The following NCOA2 variants were observed in gnomAD, a reference collection of about 807,000 sequenced individuals.
NCOA2 encodes the protein nuclear receptor coactivator 2, also known as class E basic helix-loop-helix protein 75.
NCOA2 carries 21 observed loss-of-function variants against 145.1 expected under a neutral mutation model. The observed-to-expected ratio is 0.14, with a 90% CI of 0.10 to 0.21. The LOEUF is 0.21. Ranked by LOEUF, NCOA2 falls within the 10% of genes least tolerant of loss-of-function variation. The probability of loss-of-function intolerance (pLI) is 1.00; values close to 1 mark genes in which losing one functional copy is unlikely to be tolerated. For missense variants in NCOA2, 1,472 were observed against 1,837.6 expected (o/e 0.80, Z 3.64); for synonymous variants, 619 against 637.5 (o/e 0.97, Z 0.44).
intron 2 of NCOA2, among the ~76,000 whole-genome samples, chr8:70,278,282 T>C (rs1214533198): frequency 6.6e-6 from 1 of 152,210 alleles, no homozygotes; most frequent in African/African-American, 2.4e-5. Context: ...CTGAAGTATA[T>C]AGCAAGTTTT....
At chr8:70,164,748 C>T (rs1174549278) in intron 7 of NCOA2, among the ~76,000 whole-genome samples, 1 of 151,770 alleles carries the variant, frequency 6.6e-6, no homozygotes, top group Middle Eastern at 3.2e-3. Context: ...CCAGTAATAG[C>T]TGGTATCACA....
At chr8:70,292,842 GAA>G (rs1281867086) in intron 2 of NCOA2, among the ~76,000 whole-genome samples, 1 of 152,150 alleles carries the variant, frequency 6.6e-6, no homozygotes, top group Non-Finnish European at 1.5e-5. Context: ...AAAACAACAA[GAA>G]AAGAGTAAAC....
intron 2 of NCOA2, among the ~76,000 whole-genome samples, chr8:70,259,569 G>A (rs1823938405): frequency 6.6e-5 from 10 of 152,046 alleles, no homozygotes; most frequent in Admixed American, 6.5e-4. Flanking sequence ...ATTACTAAAA[G>A]ACATGGAAGA....
intron 6 of NCOA2, among the ~76,000 whole-genome samples, chr8:70,167,704 C>G (rs1486184399): frequency 6.6e-6 from 1 of 152,110 alleles, no homozygotes; most frequent in Non-Finnish European, 1.5e-5. Flanking sequence ...CTTCAGACAT[C>G]TATTTGAGTA....
At chr8:70,402,919 C>A (rs1055638465) in intron 1 of NCOA2, among the ~76,000 whole-genome samples, 1 of 142,992 alleles carries the variant, frequency 7.0e-6, no homozygotes, top group Admixed American at 6.9e-5. Flanking sequence ...TCGGCCCCAG[C>A]GCGCCGCCCG....
At chr8:70,386,070 T>C (rs1040451550) in intron 1 of NCOA2, among the ~76,000 whole-genome samples, 10 of 152,160 alleles carry the variant, frequency 6.6e-5, no homozygotes, top group Non-Finnish European at 1.0e-4. Context: ...ACTTCTCAGG[T>C]TACCAGGATT....
Position 70,170,254 on chromosome 8 carries a change from C to A in NCOA2, c.489G>T (p.Leu163Phe), listed in dbSNP as rs778835071. The part of the protein sequence containing the change: ...ELMNKSVYSI[L>F]HVGDHTEFVK... ...CAAATTCCGTGTGGTCCCCAACATG[C>A]AAGATGCTATATACACTTTTGTTCA... The change falls in exon 6 of 23, where the codon TTG (leucine) becomes TTT (phenylalanine). Residue 163 changes from leucine to phenylalanine, a missense_variant. Physicochemically the swap from Leu to Phe is conservative, Grantham distance 22 (BLOSUM62 0). Transcript: ENST00000452400. 6.2e-7 allele frequency: 1 copy of A among 1,613,310 alleles called. No homozygotes were observed.
intron 2 of NCOA2, among the ~76,000 whole-genome samples, chr8:70,258,083 T>C (rs968731678): frequency 3.3e-5 from 5 of 152,010 alleles, no homozygotes; most frequent in Non-Finnish European, 5.9e-5. Context: ...GCTCGGCTAA[T>C]TTTTTATATT....
chr8:70,217,004 G>A (rs1464337630), intron 2 of NCOA2, among the ~76,000 whole-genome samples: 1 of 152,090 alleles, frequency 6.6e-6, no homozygotes, highest in African/African-American at 2.4e-5. Flanking sequence ...TACCTCATTG[G>A]GCCCAAATTC....
chr8:70,421,818 G>A, the NCOA2 span, among the ~76,000 whole-genome samples: 1 of 152,022 alleles, frequency 6.6e-6, no homozygotes, highest in Non-Finnish European at 1.5e-5. Flanking sequence ...ATATATGCCA[G>A]GCGCAGTGGC....
At chr8:70,304,486 T>A (rs1047147093) in intron 1 of NCOA2, among the ~76,000 whole-genome samples, 3 of 150,782 alleles carry the variant, frequency 2.0e-5, no homozygotes, top group East Asian at 3.9e-4. Context: ...TTTTTTTTTT[T>A]AGACAAGTCT....
Position 70,299,082 on chromosome 8 carries a change from C to A in NCOA2, c.-76-2282G>T, listed in dbSNP as rs138839794. On this transcript the variant is annotated intron_variant, in intron 1 of 22. Transcript: ENST00000452400. ...CTCAAAAAACAAACAAACAAACAAA[C>A]AAAAAAAACCAGAAAGATGTTTAGG... 9.4e-3 allele frequency among the ~76,000 whole-genome samples: 1,416 copies of A among 151,386 alleles called. 19 individuals are homozygous for A. The highest frequency in any genetic ancestry group is 0.032 in the African/African-American group (1,314 of 41,220).
chr8:70,187,732 C>T (rs1816234273), intron 4 of NCOA2, among the ~76,000 whole-genome samples: 1 of 152,092 alleles, frequency 6.6e-6, no homozygotes, highest in Non-Finnish European at 1.5e-5. Context: ...TTTAAATTAC[C>T]TTAAAATTAG....
At chr8:70,140,188 A>AC (rs1441810807) in intron 14 of NCOA2, among the ~76,000 whole-genome samples, 1 of 152,152 alleles carries the variant, frequency 6.6e-6, no homozygotes, top group Non-Finnish European at 1.5e-5. Flanking sequence ...CAACCATCAC[A>AC]CCACAATCGA....
At chr8:70,151,459 C>T (rs1811740660) in intron 11 of NCOA2, among the ~76,000 whole-genome samples, 1 of 152,004 alleles carries the variant, frequency 6.6e-6, no homozygotes, top group Non-Finnish European at 1.5e-5. Context: ...GGCTCATTTT[C>T]GCATTTTTAG....
intron 2 of NCOA2, among the ~76,000 whole-genome samples, chr8:70,274,356 G>GA (rs1162911133): frequency 6.6e-6 from 1 of 152,138 alleles, no homozygotes; most frequent in African/African-American, 2.4e-5. Flanking sequence ...TTAGGATACT[G>GA]AAGTTTCCAA....
At chr8:70,288,033 A>T (rs993414382) in intron 2 of NCOA2, among the ~76,000 whole-genome samples, 8 of 152,184 alleles carry the variant, frequency 5.3e-5, no homozygotes, top group Admixed American at 2.0e-4. Flanking sequence ...CTGGCTAATT[A>T]GGTGCAAATC....
chr8:70,173,277 T>C (rs1322974922), intron 5 of NCOA2, among the ~76,000 whole-genome samples: 1 of 152,220 alleles, frequency 6.6e-6, no homozygotes, highest in Non-Finnish European at 1.5e-5. Flanking sequence ...CATTTCTATT[T>C]AGAAGTATCA....
intron 4 of NCOA2, among the ~76,000 whole-genome samples, chr8:70,208,232 CAATTCTATGAGAAGATGCAGAAGAA>C (rs764803026): frequency 7.3e-5 from 11 of 151,236 alleles, no homozygotes; most frequent in Non-Finnish European, 1.6e-4. Flanking sequence ...AAGGCCCTCT[CAATTCTATGAGAAGATGCAGAAGAA>C]AATTCTATGA....
Sources: gnomAD v4.1 joint callset for allele counts (sites outside exome capture counted in the v4.1 genomes callset) on GRCh38, gnomAD v4.1.1 for gene constraint, MANE v1.5 for transcripts, NCBI Gene and HGNC (gene_info 2026-07-23, HGNC 2026-07-21) for gene names.